Variants in KIAA0825 observed in about 807,000 individuals in gnomAD.
KIAA0825 encodes the protein uncharacterized protein KIAA0825.
KIAA0825 carries 119 observed loss-of-function variants against 147.6 expected under a neutral mutation model. That is an observed-to-expected ratio of 0.81 (90% CI 0.69 to 0.94). The LOEUF is 0.94. Ranked by LOEUF, KIAA0825 falls within the 40% of genes least tolerant of loss-of-function variation. KIAA0825 has a pLI of 0.00. For synonymous variants in KIAA0825, 470 were observed against 518.1 expected, an observed-to-expected ratio of 0.91 and a Z score of 1.26; for missense variants, 1,381 against 1,472.7, an observed-to-expected ratio of 0.94 and a Z score of 1.02.
chr5:94,498,859 T>C (rs1183668558), intron 5 of KIAA0825, among the ~76,000 whole-genome samples: 1 of 152,190 alleles, frequency 6.6e-6, no homozygotes, highest in Non-Finnish European at 1.5e-5. Flanking sequence ...AGTCCAAATC[T>C]TCATGAAGTT....
chr5:94,473,171 A>C, intron 8 of KIAA0825, 121 bp downstream of exon 8: 1 of 722,630 alleles, frequency 1.4e-6, no homozygotes, highest in Non-Finnish European at 2.3e-6. Context: ...GTACTGGGTC[A>C]AGTACCAAGT....
chr5:94,328,875 A>C (rs1780981487), intron 20 of KIAA0825, among the ~76,000 whole-genome samples: 1 of 152,144 alleles, frequency 6.6e-6, no homozygotes, highest in African/African-American at 2.4e-5. Context: ...GTTTAAAATT[A>C]GTTATTAAAC....
At chr5:94,529,360 A>ATCATATATGTATATC (rs1770236142) in intron 3 of KIAA0825, among the ~76,000 whole-genome samples, 3 of 144,558 alleles carry the variant, frequency 2.1e-5, no homozygotes, top group Non-Finnish European at 4.5e-5. Flanking sequence ...ATATGTATAT[A>ATCATATATGTATATC]TCATATATGT....
chr5:94,262,869 C>T (rs1051927952), intron 20 of KIAA0825, among the ~76,000 whole-genome samples: 2 of 152,060 alleles, frequency 1.3e-5, no homozygotes, highest in African/African-American at 4.8e-5. Context: ...TATAGTTTCC[C>T]AGAAAATTTA....
chr5:94,615,537 T>G (rs576132745), intron 1 of KIAA0825: 1 of 152,182 alleles, frequency 6.6e-6, no homozygotes, highest in Non-Finnish European at 1.5e-5. Flanking sequence ...AAAAGGAGGA[T>G]AATAATACTT....
intron 1 of KIAA0825, among the ~76,000 whole-genome samples, chr5:94,615,336 TGATACCCA>T (rs1790149078): frequency 6.6e-6 from 1 of 152,170 alleles, no homozygotes; most frequent in Admixed American, 6.5e-5. Context: ...ATGAGAAACA[TGATACCCA>T]GAGCTTTTGC....
chr5:94,449,060 A>G (rs1758075547), intron 13 of KIAA0825, among the ~76,000 whole-genome samples: 3 of 152,122 alleles, frequency 2.0e-5, no homozygotes, highest in Non-Finnish European at 2.9e-5. Flanking sequence ...CATAACTTGC[A>G]TGGAGAATTT....
chr5:94,275,263 A>G (rs1419812424), intron 20 of KIAA0825, among the ~76,000 whole-genome samples: 1 of 152,156 alleles, frequency 6.6e-6, no homozygotes, highest in Non-Finnish European at 1.5e-5. Flanking sequence ...AGTTGTTGGA[A>G]TAGAGTTCAT....
intron 20 of KIAA0825, among the ~76,000 whole-genome samples, chr5:94,185,920 C>A (rs935532031): frequency 1.3e-5 from 2 of 152,118 alleles, no homozygotes; most frequent in African/African-American, 4.8e-5. Context: ...TTATTTGGAG[C>A]ATTAACTGAG....
Position 94,237,385 on chromosome 5 carries a change from C to T in KIAA0825, c.3711-83261G>A, listed in dbSNP as rs538883206. 7.2e-5 allele frequency among the ~76,000 whole-genome samples: 11 copies of T among 152,174 alleles called. No individual in the cohort carries two copies. The East Asian group carries it at 7.7e-4, about 11-fold the overall frequency. ...CATCTGAGACTCTTGGGATGTCATA[C>T]GTTGCAAAGCAGGCAAAGGGGGAAC... On this transcript the variant is annotated intron_variant, in intron 20 of 20. Coordinates refer to ENST00000682413, the MANE Select transcript of KIAA0825 (RefSeq NM_001145678.3).
At chr5:94,371,215 A>C (rs141615063) in intron 20 of KIAA0825, among the ~76,000 whole-genome samples, 244 of 152,302 alleles carry the variant, frequency 1.6e-3, no homozygotes, top group African/African-American at 5.5e-3. Flanking sequence ...CACTATGAGG[A>C]GAAAAAAAGC....
chr5:94,598,426 G>A (rs946835557), intron 1 of KIAA0825, among the ~76,000 whole-genome samples: 6 of 151,874 alleles, frequency 4.0e-5, no homozygotes, highest in Admixed American at 2.0e-4. Flanking sequence ...GCCTTTTTCT[G>A]AAATATTCTA....
At chr5:94,215,857 G>A (rs542213927) in intron 20 of KIAA0825, among the ~76,000 whole-genome samples, 16 of 151,794 alleles carry the variant, frequency 1.1e-4, no homozygotes, top group Middle Eastern at 3.2e-3. Flanking sequence ...CTTGCATCTC[G>A]TAAACCCCTA....
chr5:94,358,325 G>A (rs749598404), intron 20 of KIAA0825, among the ~76,000 whole-genome samples: 2 of 152,148 alleles, frequency 1.3e-5, no homozygotes, highest in Non-Finnish European at 2.9e-5. Flanking sequence ...GAGAGACAGG[G>A]AACTGAAAGA....
chr5:94,415,734 A>T (rs1243667237), intron 15 of KIAA0825: 1 of 152,150 alleles, frequency 6.6e-6, no homozygotes, highest in East Asian at 1.9e-4. Flanking sequence ...TTGTCTGACC[A>T]TGTAGGGGAG....
chr5:94,390,280 G>A (rs29914), intron 18 of KIAA0825, among the ~76,000 whole-genome samples: 20,058 of 152,232 alleles, frequency 0.13, 1,417 homozygotes, highest in South Asian at 0.18. Flanking sequence ...AACACTGCTT[G>A]GCTAAGGATA....
chr5:94,557,265 C>T (rs956629358), intron 2 of KIAA0825, among the ~76,000 whole-genome samples: 11 of 152,096 alleles, frequency 7.2e-5, no homozygotes, highest in African/African-American at 2.7e-4. Context: ...GCACGTGCTA[C>T]CATGCCTGGC....
intron 14 of KIAA0825, among the ~76,000 whole-genome samples, chr5:94,427,491 GCAC>G (rs1755041781): frequency 1.3e-5 from 2 of 152,034 alleles, no homozygotes; most frequent in South Asian, 4.1e-4. Context: ...AGCCATGATT[GCAC>G]CACTACATTC....
chr5:94,207,798 C>T (rs1772341579), intron 20 of KIAA0825, among the ~76,000 whole-genome samples: 1 of 152,122 alleles, frequency 6.6e-6, no homozygotes, highest in Non-Finnish European at 1.5e-5. Context: ...GGCTCGCAGT[C>T]AAACACTTCT....
Sources: gnomAD v4.1 joint callset for allele counts (sites outside exome capture counted in the v4.1 genomes callset) on GRCh38, gnomAD v4.1.1 for gene constraint, MANE v1.5 for transcripts, NCBI Gene and HGNC (gene_info 2026-07-23, HGNC 2026-07-21) for gene names.